Variants in C1orf146 observed in about 807,000 individuals in gnomAD.
C1orf146 encodes protein SPO16 homolog.
In C1orf146, 22 loss-of-function variants were observed where a neutral mutation model predicts 23.0. The observed-to-expected ratio is 0.96, with a 90% confidence interval of 0.68 to 1.36. The LOEUF (loss-of-function observed/expected upper bound fraction) is 1.36, where lower values mean the gene tolerates loss of function less well. C1orf146 is among the 40% of genes most tolerant of loss of function. C1orf146 has a pLI of 0.00. For synonymous variants in C1orf146, 59 were observed against 65.3 expected (o/e 0.90, Z 0.47); for missense variants, 199 against 206.8 (o/e 0.96, Z 0.23).
intron 1 of C1orf146, among the ~76,000 whole-genome samples, chr1:92,230,516 T>C (rs2100735308): frequency 6.6e-6 from 1 of 151,484 alleles, no homozygotes; most frequent in Non-Finnish European, 1.5e-5. Flanking sequence ...CTTGGGAGGC[T>C]GAGGCAGGAG....
Position 92,244,315 on chromosome 1 carries a change from AG to A in C1orf146, c.260del (p.Ser87IlefsTer17). On this transcript the variant is annotated frameshift_variant, in exon 4 of 6. Transcript: ENST00000370375. LOFTEE classifies it high-confidence loss of function. The part of the protein sequence containing the change: ...IEKFINIHQN[S>X]FLVLSAALHG... ...GAAATTTATTAACATTCACCAAAAT[AG>A]TTTTTTGGTTTTGTCTGCTGCCCTC... 1 of 1,612,780 alleles carries A rather than the reference AG, an allele frequency of 6.2e-7. No homozygotes were observed. Among genetic ancestry groups the A allele is most frequent in the Non-Finnish European group, 8.5e-7 (1 of 1,179,134 alleles).
rs1321459952 is a variant in C1orf146, at chr1:92,218,049, G to A, written c.-40+1G>A. The A allele has an allele frequency of 6.6e-6, 1 of 152,346 alleles. No individual in the cohort carries two copies. The highest frequency in any genetic ancestry group is 1.5e-5 in the Non-Finnish European group (1 of 68,126). 9.4% of individuals were successfully genotyped at this position (152,346 alleles called of 1,614,324 possible). ...CGGTCTCTGAGGACCTGGTGAGCAG[G>A]TGGGTTTGCAGCGCTGGGGATGAGG... On this transcript the variant is annotated splice_donor_variant, in intron 1 of 5. Transcript: ENST00000370375. LOFTEE classifies it low-confidence loss of function (5UTR_SPLICE).
At chr1:92,240,058 G>A (rs1652393042) in intron 2 of C1orf146, among the ~76,000 whole-genome samples, 2 of 152,208 alleles carry the variant, frequency 1.3e-5, no homozygotes, top group South Asian at 2.1e-4. Flanking sequence ...CAGATGAGGA[G>A]ACCTGATTGG....
chr1:92,223,271 A>C (rs1651878695), intron 1 of C1orf146, among the ~76,000 whole-genome samples: 1 of 152,222 alleles, frequency 6.6e-6, no homozygotes, highest in Admixed American at 6.5e-5. Context: ...TATACTTTCC[A>C]ATTAGTAGTG....
chr1:92,230,489 G>A (rs941670758), intron 1 of C1orf146, among the ~76,000 whole-genome samples: 2 of 151,896 alleles, frequency 1.3e-5, no homozygotes, highest in Non-Finnish European at 2.9e-5. Context: ...GGTGGGGGGC[G>A]CCTGTGTTTC....
chr1:92,222,878 G>A (rs568245470), intron 1 of C1orf146, among the ~76,000 whole-genome samples: 20 of 152,082 alleles, frequency 1.3e-4, no homozygotes, highest in Middle Eastern at 3.4e-3. Context: ...GAGCCACGGC[G>A]CCTGGCCTAT....
chr1:92,239,922 C>A (rs1290677930), intron 2 of C1orf146, among the ~76,000 whole-genome samples: 19 of 152,168 alleles, frequency 1.2e-4, no homozygotes, highest in Non-Finnish European at 2.1e-4. Context: ...TAAGGCATCT[C>A]TTTTATATGA....
At chr1:92,231,706 T>C (rs1446479832) in intron 2 of C1orf146, among the ~76,000 whole-genome samples, 1 of 151,850 alleles carries the variant, frequency 6.6e-6, no homozygotes, top group Non-Finnish European at 1.5e-5. Context: ...GGAGATTTTC[T>C]AAAGTTTTTT....
intron 2 of C1orf146, among the ~76,000 whole-genome samples, chr1:92,236,151 A>G (rs899726273): frequency 2.0e-5 from 3 of 151,754 alleles, no homozygotes; most frequent in African/African-American, 7.3e-5. Context: ...TCCTGTCATT[A>G]TGATGTTAGC....
rs1355927340 is a variant in C1orf146 at position 92,245,782 on chromosome 1, CAT to C, written c.*112_*113del. ...CATTTATATTAATTTGAAATAATAA[CAT>C]ATACAATTAAAAGTGATTTTATTTT... On this transcript the variant is annotated 3_prime_UTR_variant, in exon 6 of 6. Coordinates refer to ENST00000370375, the MANE Select transcript of C1orf146 (RefSeq NM_001012425.2). 7 of 686,920 alleles carry C rather than the reference CAT, an allele frequency of 1.0e-5. No homozygotes were observed. The highest frequency in any genetic ancestry group is 1.9e-5 in the African/African-American group (1 of 53,332). 42.6% of individuals were successfully genotyped at this position (686,920 alleles called of 1,614,324 possible).
chr1:92,236,326 T>A (rs548427290), intron 2 of C1orf146, among the ~76,000 whole-genome samples: 20 of 152,316 alleles, frequency 1.3e-4, no homozygotes, highest in Non-Finnish European at 2.8e-4. Context: ...TCTCTCAGCA[T>A]TTGCTTGTCT....
In C1orf146 at chr1:92,245,773, AAAT is replaced by A. The variant is rs1055376816; in HGVS notation, c.*105_*107del. On this transcript the variant is annotated 3_prime_UTR_variant, in exon 6 of 6. Transcript: ENST00000370375. ...ATTTAAAGACATTTATATTAATTTG[AAAT>A]AATAACATATACAATTAAAAGTGAT... 144 of 723,002 alleles carry A rather than the reference AAAT, an allele frequency of 2.0e-4. 1 individual carries two copies. The highest frequency in any genetic ancestry group is 2.0e-3 in the African/African-American group (108 of 54,412). 44.8% of individuals were successfully genotyped at this position (723,002 alleles called of 1,614,324 possible).
intron 2 of C1orf146, among the ~76,000 whole-genome samples, chr1:92,233,865 T>TG (rs1463005783): frequency 2.0e-5 from 3 of 152,244 alleles, no homozygotes; most frequent in Admixed American, 2.0e-4. Flanking sequence ...TTATTCTCTT[T>TG]GTAGCAATTG....
intron 2 of C1orf146, among the ~76,000 whole-genome samples, chr1:92,236,077 G>C (rs553058711): frequency 6.6e-6 from 1 of 152,214 alleles, no homozygotes; most frequent in South Asian, 2.1e-4. Flanking sequence ...GCCATTCTGT[G>C]TCTTTTAATT....
At chr1:92,224,460 T>C (rs544762123) in intron 1 of C1orf146, among the ~76,000 whole-genome samples, 1 of 152,364 alleles carries the variant, frequency 6.6e-6, no homozygotes, top group African/African-American at 2.4e-5. Flanking sequence ...GTCACAATTA[T>C]TATGTCCTAT....
rs576783724 is a variant in C1orf146, at chr1:92,243,314, A to T, written c.161-903A>T. ...CCTGACACTGTTTCAGAGATTGCAG[A>T]TATCTGCTCACTGAGTGTATTAATT... is the stretch of plus-strand genomic sequence containing the variant. On this transcript the variant is annotated intron_variant, in intron 3 of 5. Coordinates refer to ENST00000370375, the MANE Select transcript of C1orf146 (RefSeq NM_001012425.2). 9.2e-5 allele frequency among the ~76,000 whole-genome samples: 14 copies of T among 152,196 alleles called. 1 individual carries two copies. The South Asian group carries it at 2.9e-3, about 32-fold the overall frequency.
intron 2 of C1orf146, among the ~76,000 whole-genome samples, chr1:92,239,052 C>G (rs936565123): frequency 6.6e-6 from 1 of 152,192 alleles, no homozygotes; most frequent in Non-Finnish European, 1.5e-5. Flanking sequence ...GCCACTGTGC[C>G]TGGCCCTATT....
chr1:92,222,379 A>G (rs1651843076), intron 1 of C1orf146, among the ~76,000 whole-genome samples: 1 of 132,160 alleles, frequency 7.6e-6, no homozygotes, highest in African/African-American at 2.8e-5. Flanking sequence ...TATAACATAT[A>G]TAACATGCAT....
At chr1:92,231,572 G>A in intron 2 of C1orf146, 86 bp downstream of exon 2, 1 of 816,760 alleles carries the variant, frequency 1.2e-6, no homozygotes, top group Non-Finnish European at 1.9e-6. Flanking sequence ...AAGGTTCTTA[G>A]CTTAATTATC....
Sources: allele counts gnomAD v4.1 joint callset (sites outside exome capture counted in the v4.1 genomes callset), GRCh38; gene constraint gnomAD v4.1.1; transcripts MANE v1.5; gene names NCBI Gene and HGNC (gene_info 2026-07-23, HGNC 2026-07-21).